EPB41L4A: variants seen among roughly 807,000 people sequenced by gnomAD.
EPB41L4A encodes the protein erythrocyte membrane protein band 4.1 like 4A.
Under a neutral mutation model 108.6 loss-of-function variants are expected in EPB41L4A, and 100 were observed. The ratio of observed to expected loss-of-function variants is 0.92; its 90% CI spans 0.78 to 1.09. The LOEUF is 1.09. Among genes scored for constraint, EPB41L4A ranks in the 50% least tolerant of loss-of-function variants. The pLI is 0.00. For synonymous variants in EPB41L4A, 319 were observed against 289.0 expected (o/e 1.10, Z -1.05); for missense variants, 1,030 against 842.7 (o/e 1.22, Z -2.75).
intron 3 of EPB41L4A, among the ~76,000 whole-genome samples, chr5:112,278,241 T>C (rs1340342152): frequency 6.9e-6 from 1 of 144,420 alleles, no homozygotes; most frequent in South Asian, 2.3e-4. Context: ...TGTTTTATTC[T>C]TACTATACAT....
intron 1 of EPB41L4A, among the ~76,000 whole-genome samples, chr5:112,403,929 A>C (rs1184455919): frequency 6.6e-6 from 1 of 152,238 alleles, no homozygotes; most frequent in Non-Finnish European, 1.5e-5. Flanking sequence ...AAATTTGAAA[A>C]GCTGTACATG....
chr5:112,358,904 C>A (rs1758533884), intron 1 of EPB41L4A, among the ~76,000 whole-genome samples: 1 of 152,102 alleles, frequency 6.6e-6, no homozygotes. Context: ...AAAAGAATCA[C>A]AAACTTCAAT....
At chr5:112,400,164 A>G (rs1313238569) in intron 1 of EPB41L4A, among the ~76,000 whole-genome samples, 2 of 152,294 alleles carry the variant, frequency 1.3e-5, no homozygotes, top group East Asian at 3.9e-4. Context: ...GGCACCTTCT[A>G]TACAAGGTGG....
At chr5:112,313,221 C>T (rs887259645) in intron 1 of EPB41L4A, among the ~76,000 whole-genome samples, 11 of 152,094 alleles carry the variant, frequency 7.2e-5, no homozygotes, top group African/African-American at 1.7e-4. Context: ...GGCTATGAAG[C>T]GACTAAGAAA....
intron 1 of EPB41L4A, among the ~76,000 whole-genome samples, chr5:112,407,569 A>G (rs1762142872): frequency 6.6e-6 from 1 of 152,226 alleles, no homozygotes; most frequent in Non-Finnish European, 1.5e-5. Flanking sequence ...ATGAAAATCC[A>G]TGTATATTTA....
At chr5:112,165,150 C>A (rs563714723) in intron 22 of EPB41L4A, 32 bp from the exon 23 acceptor site, 88 of 1,500,124 alleles carry the variant, frequency 5.9e-5, no homozygotes, top group Non-Finnish European at 7.7e-5. Context: ...TAGAAAGATT[C>A]AGAAGAAAAC....
intron 1 of EPB41L4A, among the ~76,000 whole-genome samples, chr5:112,339,703 T>A (rs1757186896): frequency 6.6e-6 from 1 of 151,678 alleles, no homozygotes; most frequent in Non-Finnish European, 1.5e-5. Context: ...CCAGTTAATG[T>A]TTTTGTATTT....
At chr5:112,338,680 T>C (rs1244240924) in intron 1 of EPB41L4A, among the ~76,000 whole-genome samples, 1 of 152,114 alleles carries the variant, frequency 6.6e-6, no homozygotes, top group Admixed American at 6.5e-5. Flanking sequence ...CATACACACA[T>C]TGTGTATTTG....
At chr5:112,218,098 A>T (rs1452673940) in intron 12 of EPB41L4A, among the ~76,000 whole-genome samples, 1 of 152,224 alleles carries the variant, frequency 6.6e-6, no homozygotes, top group Non-Finnish European at 1.5e-5. Flanking sequence ...ACTCACAGAC[A>T]GTCCTCCTTG....
chr5:112,248,869 G>C (rs956573874), intron 9 of EPB41L4A, among the ~76,000 whole-genome samples: 1 of 152,106 alleles, frequency 6.6e-6, no homozygotes, highest in Admixed American at 6.6e-5. Flanking sequence ...CTGTATTCTT[G>C]ACACAAGAAT....
At chr5:112,188,388 A>T (rs1413987746) in intron 17 of EPB41L4A, among the ~76,000 whole-genome samples, 1 of 152,096 alleles carries the variant, frequency 6.6e-6, no homozygotes, top group African/African-American at 2.4e-5. Context: ...TCTTCCACTT[A>T]TTCCTTACGT....
chr5:112,322,754 CCT>C (rs1304093801), intron 1 of EPB41L4A, among the ~76,000 whole-genome samples: 2 of 151,878 alleles, frequency 1.3e-5, no homozygotes, highest in African/African-American at 2.4e-5. Flanking sequence ...CACACACACA[CCT>C]GTCTTCCACT....
intron 12 of EPB41L4A, among the ~76,000 whole-genome samples, chr5:112,218,701 G>C (rs539210283): frequency 9.2e-5 from 14 of 152,276 alleles, no homozygotes; most frequent in Admixed American, 2.6e-4. Flanking sequence ...TGTATATCAA[G>C]ATTGTTTTTA....
chr5:112,350,605 A>G (rs575497439), intron 1 of EPB41L4A, among the ~76,000 whole-genome samples: 2 of 152,304 alleles, frequency 1.3e-5, no homozygotes, highest in Admixed American at 6.5e-5. Context: ...TGTACCCATT[A>G]ACCTATCTCT....
intron 1 of EPB41L4A, among the ~76,000 whole-genome samples, chr5:112,350,395 T>C (rs1757965489): frequency 6.6e-6 from 1 of 152,208 alleles, no homozygotes; most frequent in Non-Finnish European, 1.5e-5. Context: ...CATGTGCTAT[T>C]TTGCAACATG....
At chr5:112,358,594 C>A (rs1276405860) in intron 1 of EPB41L4A, among the ~76,000 whole-genome samples, 1 of 152,192 alleles carries the variant, frequency 6.6e-6, no homozygotes, top group Non-Finnish European at 1.5e-5. Context: ...AGAATTCTCA[C>A]AGATTGTTAG....
chr5:112,161,994 A>G (rs1759936762), downstream of EPB41L4A: 1 of 153,820 alleles, frequency 6.5e-6, no homozygotes, highest in African/African-American at 2.4e-5. Flanking sequence ...AAATACGCAT[A>G]GTACTGGCAT....
intron 22 of EPB41L4A, 69 bp from the exon 23 acceptor site, chr5:112,165,187 C>G (rs1760168685): frequency 1.7e-6 from 2 of 1,211,660 alleles, no homozygotes; most frequent in East Asian, 4.8e-5. Flanking sequence ...TTAATTACAT[C>G]AGAAACCAAG....
intron 1 of EPB41L4A, among the ~76,000 whole-genome samples, chr5:112,339,510 A>ATC (rs1491378172): frequency 0.051 from 2,874 of 55,996 alleles, 124 homozygotes; most frequent in African/African-American, 0.15. Flanking sequence ...ATATATATAT[A>ATC]GATATATAGA....
Sources: allele counts gnomAD v4.1 joint callset (sites outside exome capture counted in the v4.1 genomes callset), GRCh38; gene constraint gnomAD v4.1.1; transcripts MANE v1.5; gene names NCBI Gene and HGNC (gene_info 2026-07-23, HGNC 2026-07-21).